The following GRXCR1 variants were observed in gnomAD, a reference collection of about 807,000 sequenced individuals.
GRXCR1 encodes glutaredoxin and cysteine rich domain containing 1.
In GRXCR1, 27 loss-of-function variants were observed where a neutral mutation model predicts 27.3. That is an observed-to-expected ratio of 0.99 (90% CI 0.73 to 1.37). GRXCR1 has a LOEUF of 1.37. Among genes scored for constraint, GRXCR1 ranks in the 40% most tolerant of loss-of-function variants. The probability of loss-of-function intolerance (pLI) is 0.00; values close to 1 mark genes in which losing one functional copy is unlikely to be tolerated. For synonymous variants in GRXCR1, 122 were observed against 131.1 expected (o/e 0.93, Z 0.47); for missense variants, 379 against 354.4 (o/e 1.07, Z -0.56).
intron 1 of GRXCR1, among the ~76,000 whole-genome samples, chr4:42,921,114 G>C (rs1476627732): frequency 6.6e-6 from 1 of 152,036 alleles, no homozygotes; most frequent in Non-Finnish European, 1.5e-5. Flanking sequence ...TTTGGGAGAT[G>C]ATGAGATCCT....
chr4:42,942,367 C>A (rs1180129836), intron 1 of GRXCR1, among the ~76,000 whole-genome samples: 1 of 151,932 alleles, frequency 6.6e-6, no homozygotes. Flanking sequence ...GGAAATAAGG[C>A]ACAGTAGTTA....
chr4:42,969,080 G>A (rs1748319493), intron 2 of GRXCR1, among the ~76,000 whole-genome samples: 2 of 152,106 alleles, frequency 1.3e-5, no homozygotes, highest in African/African-American at 4.8e-5. Flanking sequence ...GGGCTGCAGA[G>A]ATGGTGGGGA....
chr4:42,983,499 A>G (rs1006769981), intron 2 of GRXCR1, among the ~76,000 whole-genome samples: 26 of 151,602 alleles, frequency 1.7e-4, no homozygotes, highest in East Asian at 5.8e-4. Context: ...TGATGCCTCC[A>G]GCTTTGTTCT....
At chr4:42,929,007 T>C (rs1747236577) in intron 1 of GRXCR1, among the ~76,000 whole-genome samples, 1 of 151,992 alleles carries the variant, frequency 6.6e-6, no homozygotes, top group Non-Finnish European at 1.5e-5. Flanking sequence ...AACATCATTA[T>C]ATATAGAAAA....
At chr4:42,924,113 G>C (rs1364628085) in intron 1 of GRXCR1, among the ~76,000 whole-genome samples, 2 of 152,070 alleles carry the variant, frequency 1.3e-5, no homozygotes, top group Non-Finnish European at 2.9e-5. Flanking sequence ...GAAGGGAGAA[G>C]CTTTGATGCT....
At chr4:42,949,375 AAC>A (rs1491056407) in intron 1 of GRXCR1, among the ~76,000 whole-genome samples, 19,810 of 130,738 alleles carry the variant, frequency 0.15, 1,613 homozygotes, top group Non-Finnish European at 0.22. Flanking sequence ...AAAAAAAAAA[AAC>A]AACTTTAAAA....
rs142706927 is a variant in GRXCR1 at position 42,986,929 on chromosome 4, C to T, written c.627+23795C>T. On this transcript the variant is annotated intron_variant, in intron 2 of 3. Transcript: ENST00000399770. Reference sequence around the variant, plus strand: ...GAACAAACATTGAGTACCTTCTGTGCGATGTTCTAGAGGGTAAAAGATTTT... The same window carrying T: ...GAACAAACATTGAGTACCTTCTGTGTGATGTTCTAGAGGGTAAAAGATTTT... Among the ~76,000 whole-genome samples, 8 of 150,916 alleles carry T rather than the reference C, an allele frequency of 5.3e-5. No individual in the cohort carries two copies. The East Asian group carries it at 5.9e-4, about 11-fold the overall frequency.
intron 2 of GRXCR1, among the ~76,000 whole-genome samples, chr4:42,981,721 T>C (rs1246421627): frequency 6.6e-6 from 1 of 152,190 alleles, no homozygotes; most frequent in Non-Finnish European, 1.5e-5. Flanking sequence ...GACAGTTTTA[T>C]TTTTTCTCTT....
chr4:42,962,479 G>T (rs983389147), intron 1 of GRXCR1, among the ~76,000 whole-genome samples: 12 of 151,858 alleles, frequency 7.9e-5, no homozygotes, highest in African/African-American at 2.9e-4. Flanking sequence ...ATAAGTAGAA[G>T]AATTTTAACT....
chr4:42,939,079 T>C (rs1292376040), intron 1 of GRXCR1, among the ~76,000 whole-genome samples: 2 of 152,082 alleles, frequency 1.3e-5, no homozygotes, highest in Non-Finnish European at 2.9e-5. Context: ...TTGCACTGTA[T>C]CTATAGATTG....
At chr4:42,983,841 T>C (rs1247300832) in intron 2 of GRXCR1, among the ~76,000 whole-genome samples, 1 of 147,078 alleles carries the variant, frequency 6.8e-6, no homozygotes, top group Non-Finnish European at 1.5e-5. Context: ...TTTCTTTCTT[T>C]TTTTTTTTTT....
In GRXCR1 at chr4:42,974,722, GA is replaced by G. The variant is rs113598549; in HGVS notation, c.627+11591del. Reference sequence around the variant, plus strand: ...GGGTAAGAGTCGGGATTAGAGGAACGAAACTGCCTGGAAGTAACCATTAAGC... The same window carrying G: ...GGGTAAGAGTCGGGATTAGAGGAACGAACTGCCTGGAAGTAACCATTAAGC... On this transcript the variant is annotated intron_variant, in intron 2 of 3. Transcript: ENST00000399770. 3.6e-3 allele frequency among the ~76,000 whole-genome samples: 543 copies of G among 152,212 alleles called. 5 individuals carry two copies. Among genetic ancestry groups the G allele is most frequent in the African/African-American group, 0.011 (455 of 41,538 alleles).
intron 2 of GRXCR1, among the ~76,000 whole-genome samples, chr4:42,968,916 T>C (rs1748314191): frequency 6.6e-6 from 1 of 152,116 alleles, no homozygotes; most frequent in African/African-American, 2.4e-5. Context: ...TAGTACTGCA[T>C]AGAAAAGAGA....
intron 1 of GRXCR1, among the ~76,000 whole-genome samples, chr4:42,959,909 C>T (rs891313583): frequency 1.3e-5 from 2 of 151,758 alleles, no homozygotes; most frequent in African/African-American, 4.8e-5. Context: ...TCAAAGGATC[C>T]CCAGTTTATT....
chr4:42,947,981 A>G (rs1747787061), intron 1 of GRXCR1, among the ~76,000 whole-genome samples: 1 of 152,202 alleles, frequency 6.6e-6, no homozygotes, highest in Non-Finnish European at 1.5e-5. Context: ...TAATTAAAGC[A>G]ACCTAATTTG....
At chr4:43,020,070 G>GA in intron 2 of GRXCR1, among the ~76,000 whole-genome samples, 1 of 152,122 alleles carries the variant, frequency 6.6e-6, no homozygotes, top group African/African-American at 2.4e-5. Context: ...GAGTATGCTG[G>GA]CCCTTTCTGT....
At chr4:43,027,267 G>C (rs1357026385) in intron 3 of GRXCR1, among the ~76,000 whole-genome samples, 1 of 152,154 alleles carries the variant, frequency 6.6e-6, no homozygotes, top group African/African-American at 2.4e-5. Flanking sequence ...ATGAAAGAGA[G>C]ATCTAATCAC....
At chr4:42,969,727 T>A (rs1368725808) in intron 2 of GRXCR1, among the ~76,000 whole-genome samples, 2 of 151,826 alleles carry the variant, frequency 1.3e-5, no homozygotes, top group East Asian at 3.9e-4. Flanking sequence ...GAGATGAGAT[T>A]TGGGTGGGGA....
At chr4:42,978,766 G>A (rs1013879546) in intron 2 of GRXCR1, among the ~76,000 whole-genome samples, 3 of 152,096 alleles carry the variant, frequency 2.0e-5, no homozygotes, top group Non-Finnish European at 4.4e-5. Flanking sequence ...GACATGGTTA[G>A]GCTTTGTGTC....
Sources: gnomAD v4.1 joint callset for allele counts (sites outside exome capture counted in the v4.1 genomes callset) on GRCh38, gnomAD v4.1.1 for gene constraint, MANE v1.5 for transcripts, NCBI Gene and HGNC (gene_info 2026-07-23, HGNC 2026-07-21) for gene names.